HIPK4: variants seen among roughly 807,000 people sequenced by gnomAD.
HIPK4 encodes homeodomain-interacting protein kinase 4.
HIPK4 carries 26 observed loss-of-function variants against 44.8 expected under a neutral mutation model. That is an observed-to-expected ratio of 0.58 (90% CI 0.43 to 0.80). The LOEUF (loss-of-function observed/expected upper bound fraction) is 0.80. Ranked by LOEUF, HIPK4 falls within the 30% of genes least tolerant of loss-of-function variation. HIPK4 has a pLI of 0.00. For missense variants in HIPK4, 729 were observed against 862.6 expected, an observed-to-expected ratio of 0.85 and a Z score of 1.94; for synonymous variants, 340 against 355.5, an observed-to-expected ratio of 0.96 and a Z score of 0.49.
At chr19:40,385,779 C>T (rs1309520824) in intron 1 of HIPK4, among the ~76,000 whole-genome samples, 1 of 134,270 alleles carries the variant, frequency 7.4e-6, no homozygotes, top group African/African-American at 2.8e-5. Flanking sequence ...GCAATCTTGG[C>T]TCACTGCAAC....
Position 40,390,163 on chromosome 19 carries a change from G to T in HIPK4, c.-261C>A. The T allele has an allele frequency of 1.9e-6, 1 of 519,242 alleles. No homozygotes were observed. The highest frequency in any genetic ancestry group is 3.5e-6 in the Non-Finnish European group (1 of 286,086). 32.2% of individuals were successfully genotyped at this position (519,242 alleles called of 1,614,324 possible). ...GAGGGGCCCCAGGCCCCACCGAATG[G>T]GTTCCAGCGCTGTTGAGTGGCTCTG... On this transcript the variant is annotated 5_prime_UTR_variant, in exon 1 of 4. Transcript: ENST00000291823.
At chr19:40,382,057 C>T (rs1348606322) in intron 2 of HIPK4, among the ~76,000 whole-genome samples, 21 of 151,984 alleles carry the variant, frequency 1.4e-4, no homozygotes, top group Admixed American at 8.5e-4. Context: ...CCACCCACCT[C>T]GGCCTCCCAA....
At chr19:40,385,683 CTTTTTTTTTTT>C (rs142414559) in intron 1 of HIPK4, among the ~76,000 whole-genome samples, 7 of 67,022 alleles carry the variant, frequency 1.0e-4, no homozygotes, top group Admixed American at 5.5e-4. Flanking sequence ...CTTTTCTTTT[CTTTTTTTTTTT>C]TTTTTTTTTT....
rs374741709 is a variant in HIPK4 at position 40,381,045 on chromosome 19, C to T, written c.946G>A (p.Asp316Asn). 5.6e-6 allele frequency: 9 copies of T among 1,613,338 alleles called. No homozygotes were observed. The highest frequency in any genetic ancestry group is 1.3e-5 in the African/African-American group (1 of 75,048). Residue 316 changes from aspartate (D) to asparagine (N), a missense_variant, in exon 3 of 4, where the codon GAC becomes AAC. Coordinates refer to ENST00000291823, the MANE Select transcript of HIPK4 (RefSeq NM_144685.5). ...ATCAGCTCCACCATGCTCTTGAGGT[C>T]GGCGTGCTCCGCCAGCGCCTCCCGG... Reference protein sequence around the residue: ...PDREALAEHADLKSMVELIKR... With the variant: ...PDREALAEHANLKSMVELIKR...
Position 40,379,577 on chromosome 19 carries a change from G to T in HIPK4, c.*10C>A. The stretch of plus-strand genomic sequence containing the variant: ...GCAGCCCCCAGTGATGGGCAGGGGT[G>T]GAATCACCATCAGTGGTGCCCGGTG... On this transcript the variant is annotated 3_prime_UTR_variant, in exon 4 of 4. Transcript: ENST00000291823. 1 of 1,514,210 alleles carries T rather than the reference G, an allele frequency of 6.6e-7. No individual in the cohort carries two copies. 93.8% of individuals were successfully genotyped at this position (1,514,210 alleles called of 1,614,324 possible).
intron 1 of HIPK4, among the ~76,000 whole-genome samples, chr19:40,385,683 CTTTTTTTTTTTTTTTT>C (rs142414559): frequency 1.5e-5 from 1 of 67,036 alleles, no homozygotes; most frequent in African/African-American, 6.6e-5. Flanking sequence ...CTTTTCTTTT[CTTTTTTTTTTTTTTTT>C]TTTTTTTTTT....
At chr19:40,385,570 A>C (rs1419275442) in intron 1 of HIPK4, among the ~76,000 whole-genome samples, 1 of 152,080 alleles carries the variant, frequency 6.6e-6, no homozygotes, top group Non-Finnish European at 1.5e-5. Context: ...GACAAAAAAA[A>C]ATGATCACCT....
In HIPK4 at chr19:40,383,999, G is replaced by C. The variant is rs1159184316; in HGVS notation, c.606C>G (p.Gly202=). The C allele has an allele frequency of 6.2e-7, 1 of 1,614,182 alleles. No homozygotes were observed. Among genetic ancestry groups the C allele is most frequent in the Non-Finnish European group, 8.5e-7 (1 of 1,180,004 alleles). Reference sequence around the variant, plus strand: ...CCAGGTGCAGCTCAGCCATGACGCAGCCCAGGGACCACACGTCCACCTTCT... The same window carrying C: ...CCAGGTGCAGCTCAGCCATGACGCACCCCAGGGACCACACGTCCACCTTCT... ...FCEKVDVWSL[G]CVMAELHLGW... Residue 202 remains glycine (G), a synonymous_variant, in exon 2 of 4, where the codon GGC becomes GGG. Coordinates refer to ENST00000291823, the MANE Select transcript of HIPK4 (RefSeq NM_144685.5).
In HIPK4 at chr19:40,379,360, CCTT is replaced by C; in HGVS notation, c.*224_*226del. 5.7e-6 allele frequency: 3 copies of C among 528,046 alleles called. No homozygotes were observed. Among genetic ancestry groups the C allele is most frequent in the Admixed American group, 7.7e-5 (2 of 26,004 alleles). The allele number at this position is 528,046 out of a possible 1,614,324, so 32.7% of individuals were successfully genotyped here. A position where few individuals can be genotyped will look rare whatever the true frequency, so the allele number is the denominator to read the frequency against. On this transcript the variant is annotated 3_prime_UTR_variant, in exon 4 of 4. Coordinates refer to ENST00000291823, the MANE Select transcript of HIPK4 (RefSeq NM_144685.5). ...GGGGTGCAGCCCCCTTTCCTGCTGT[CCTT>C]CTGGCCAAGGAGCATGGGCCAGACT...
At chr19:40,379,893 A>AT (rs1339964157) in intron 3 of HIPK4, 124 bp from the exon 4 acceptor site, 1 of 1,024,016 alleles carries the variant, frequency 9.8e-7, no homozygotes, top group Non-Finnish European at 1.4e-6. Context: ...CTGGGCCTTT[A>AT]TTGCCCCTTT....
At chr19:40,386,215 G>A (rs936948779) in intron 1 of HIPK4, among the ~76,000 whole-genome samples, 5 of 145,606 alleles carry the variant, frequency 3.4e-5, no homozygotes, top group East Asian at 4.2e-4. Context: ...GATTACAAGC[G>A]CTAATCTTTT....
At position 40,379,610 on chromosome 19, in the gene HIPK4, G is replaced by A. The variant is rs1468494370; in HGVS notation, c.1828C>T (p.Gln610Ter). The change falls in exon 4 of 4, where the codon CAG (glutamine) becomes TAG (stop). Residue 610 changes from glutamine (Q) to a stop codon, truncating the protein, a stop_gained. Transcript: ENST00000291823. LOFTEE classifies it high-confidence loss of function. ...CATCAGTGGTGCCCGGTGACATGCTGGAGGAAGCTGGTGGCCCCCCGGGGT... is the reference window on the plus strand; with the variant it reads ...CATCAGTGGTGCCCGGTGACATGCTAGAGGAAGCTGGTGGCCCCCCGGGGT... ...GPPRGATSFL[Q>*]HVTGHH The A allele has an allele frequency of 1.9e-6, 3 of 1,541,772 alleles. No homozygotes were observed. Among genetic ancestry groups the A allele is most frequent in the Admixed American group, 4.1e-5 (2 of 49,318 alleles).
chr19:40,379,889 C>G (rs2079322381), intron 3 of HIPK4, 120 bp from the exon 4 acceptor site: 28 of 1,038,618 alleles, frequency 2.7e-5, no homozygotes, highest in Non-Finnish European at 8.2e-6. Context: ...AGTGCTGGGC[C>G]TTTATTGCCC....
intron 1 of HIPK4, among the ~76,000 whole-genome samples, chr19:40,387,269 A>T (rs2079367498): frequency 6.6e-6 from 1 of 151,602 alleles, no homozygotes; most frequent in Non-Finnish European, 1.5e-5. Context: ...CACTAGGAAG[A>T]CACCTCCCTG....
Position 40,389,422 on chromosome 19 carries a change from G to A in HIPK4, c.465+16C>T, listed in dbSNP as rs1208972289. The stretch of plus-strand genomic sequence containing the variant: ...AGGAACTAGGGACGCAGCCACCCTA[G>A]ACGACCCCTACTCACCTTGACCCTG... On this transcript the variant is annotated intron_variant, in intron 1 of 3. Coordinates refer to ENST00000291823, the MANE Select transcript of HIPK4 (RefSeq NM_144685.5). This position sits in a 1 kb window ranked among gnomAD's most constrained non-coding sequence, Gnocchi z 4.6. The A allele has an allele frequency of 2.0e-6, 3 of 1,523,874 alleles. No homozygotes were observed. In the Admixed American group the frequency reaches 6.1e-5, roughly 31 times the overall value. The allele number at this position is 1,523,874 out of a possible 1,614,324, so 94.4% of individuals were successfully genotyped here. A position where few individuals can be genotyped will look rare whatever the true frequency, so the allele number is the denominator to read the frequency against.
At chr19:40,385,444 C>T (rs1191987139) in intron 1 of HIPK4, among the ~76,000 whole-genome samples, 1 of 152,198 alleles carries the variant, frequency 6.6e-6, no homozygotes, top group Admixed American at 6.5e-5. Flanking sequence ...AGGGCTTTTG[C>T]ACTCGCTGTT....
chr19:40,380,897 G>A lies in HIPK4; in HGVS notation c.1094C>T (p.Ser365Leu), dbSNP rs1473930178. 2.5e-6 allele frequency: 4 copies of A among 1,606,036 alleles called. No homozygotes were observed. Among genetic ancestry groups the A allele is most frequent in the Non-Finnish European group, 2.6e-6 (3 of 1,173,806 alleles). Residue 365 changes from serine to leucine, a missense_variant, in exon 3 of 4, where the codon TCG becomes TTG. Physicochemically the swap from Ser to Leu is moderately radical, Grantham distance 145. This residue lies in a region of HIPK4 where 533 missense variants were observed against 567.5 expected (regional missense o/e 0.94). Transcript: ENST00000291823. This position sits in a 1 kb window ranked among gnomAD's most constrained non-coding sequence, Gnocchi z 4.2. ...CAGCGAGAGGCGGTAGCTGCGCAGC[G>A]AGAGCTGGTAGTAGTGGGTGGTCTC... ...AHETTHYYQL[S>L]LRSYRLSLQV... is the part of the protein sequence containing the mutation.
intron 1 of HIPK4, among the ~76,000 whole-genome samples, chr19:40,385,692 T>C (rs1018404532): frequency 1.4e-5 from 2 of 138,984 alleles, no homozygotes; most frequent in African/African-American, 5.4e-5. Flanking sequence ...TCTTTTTTTT[T>C]TTTTTTTTTT....
rs528831941 is a variant in HIPK4 at position 40,383,777 on chromosome 19, C to CCTT, written c.822+3_822+5dup. The CCTT allele has an allele frequency of 3.3e-4, 521 of 1,595,400 alleles. 2 individuals carry two copies. In the African/African-American group the frequency reaches 6.2e-3, roughly 19 times the overall value. On this transcript the variant is annotated splice_donor_region_variant and intron_variant, in intron 2 of 3. Transcript: ENST00000291823. ...ACTGACTGCCCTCACCCAACTTTTC[C>CCTT]CTTACCTTCGTCTCGGCCAGGTAGT...
Sources: allele counts gnomAD v4.1 joint callset (sites outside exome capture counted in the v4.1 genomes callset), GRCh38; gene constraint gnomAD v4.1.1; regional missense constraint gnomAD v4.1.1; non-coding constraint Gnocchi (gnomAD v3.1); transcripts MANE v1.5; gene names NCBI Gene and HGNC (gene_info 2026-07-23, HGNC 2026-07-21).